The following NEDD4L variants were observed in gnomAD, a reference collection of about 807,000 sequenced individuals.
NEDD4L encodes E3 ubiquitin-protein ligase NEDD4-like.
A neutral mutation model predicts 148.9 loss-of-function variants in NEDD4L; 54 were observed. The observed-to-expected ratio is 0.36, with a 90% CI of 0.29 to 0.45. The LOEUF (loss-of-function observed/expected upper bound fraction) is 0.45. Ranked by LOEUF, NEDD4L falls within the 20% of genes least tolerant of loss-of-function variation. NEDD4L has a pLI of 1.00. For synonymous variants in NEDD4L, 433 were observed against 440.7 expected, an observed-to-expected ratio of 0.98 and a Z score of 0.22; for missense variants, 856 against 1,233.8, an observed-to-expected ratio of 0.69 and a Z score of 4.59.
intron 5 of NEDD4L, among the ~76,000 whole-genome samples, chr18:58,265,997 T>G (rs1189964249): frequency 6.6e-6 from 1 of 152,106 alleles, no homozygotes; most frequent in East Asian, 1.9e-4. Context: ...ATGACATTTA[T>G]GTAAGAAAAA....
chr18:58,258,263 C>A (rs909011575), intron 5 of NEDD4L, among the ~76,000 whole-genome samples: 2 of 152,136 alleles, frequency 1.3e-5, no homozygotes, highest in Admixed American at 6.5e-5. Flanking sequence ...CCTTTAACGC[C>A]CACCCCCAAC....
intron 1 of NEDD4L, among the ~76,000 whole-genome samples, chr18:58,092,484 G>A (rs1228162537): frequency 6.6e-6 from 1 of 152,116 alleles, no homozygotes; most frequent in Non-Finnish European, 1.5e-5. Context: ...GATGCTGAAC[G>A]GGTGGGGAAG....
chr18:58,194,319 A>G (rs1352758907), intron 2 of NEDD4L, among the ~76,000 whole-genome samples: 2 of 152,198 alleles, frequency 1.3e-5, no homozygotes, highest in African/African-American at 2.4e-5. Context: ...TCCCCCTCCC[A>G]TGGACATTCA....
At chr18:58,240,371 G>T (rs1423847189) in intron 2 of NEDD4L, among the ~76,000 whole-genome samples, 1 of 152,122 alleles carries the variant, frequency 6.6e-6, no homozygotes, top group Non-Finnish European at 1.5e-5. Flanking sequence ...CTCAATGCTC[G>T]AACTTCTTGT....
chr18:58,333,890 C>T lies in NEDD4L; in HGVS notation c.1063C>T (p.Pro355Ser). 1 of 1,606,758 alleles carries T rather than the reference C, an allele frequency of 6.2e-7. No individual in the cohort carries two copies. The highest frequency in any genetic ancestry group is 1.1e-5 in the South Asian group (1 of 89,566). ...DAVAEQGHLP[P>S]PSAPAGRARS... is the part of the protein sequence containing the mutation. ...AGTTGCAGAACAGGGCCATCTACCA[C>T]CGGTAACCCATGCTAATTTCCAGTC... is the stretch of plus-strand genomic sequence containing the variant. The change falls in exon 12 of 31, where the codon CCG (proline) becomes TCG (serine). Residue 355 changes from proline to serine, a missense_variant and splice_region_variant. By Grantham distance (74) the Pro-to-Ser change is moderately conservative. Coordinates refer to ENST00000400345, the MANE Select transcript of NEDD4L (RefSeq NM_001144967.3).
chr18:58,109,744 A>G (rs753346564), intron 1 of NEDD4L, among the ~76,000 whole-genome samples: 9 of 151,554 alleles, frequency 5.9e-5, no homozygotes, highest in African/African-American at 1.2e-4. Flanking sequence ...CTAATTTTGT[A>G]TTTTTAGTAG....
chr18:58,270,864 G>A (rs866597269), intron 5 of NEDD4L, among the ~76,000 whole-genome samples: 35 of 151,972 alleles, frequency 2.3e-4, no homozygotes, highest in African/African-American at 7.0e-4. Flanking sequence ...AGAATAAATA[G>A]GTTGAGAGTG....
At chr18:58,065,795 C>G (rs2082561996) in intron 1 of NEDD4L, among the ~76,000 whole-genome samples, 1 of 152,166 alleles carries the variant, frequency 6.6e-6, no homozygotes, top group Non-Finnish European at 1.5e-5. Flanking sequence ...GGCTTTGAAC[C>G]TTTTCTAGAA....
intron 1 of NEDD4L, among the ~76,000 whole-genome samples, chr18:58,055,244 C>A (rs1215524272): frequency 6.6e-6 from 1 of 152,078 alleles, no homozygotes; most frequent in Non-Finnish European, 1.5e-5. Flanking sequence ...ATCACTTGAA[C>A]CCAGGAGTTC....
intron 5 of NEDD4L, among the ~76,000 whole-genome samples, chr18:58,303,013 CAT>C (rs2056676448): frequency 6.6e-6 from 1 of 152,200 alleles, no homozygotes; most frequent in Non-Finnish European, 1.5e-5. Context: ...GCAAGAGAGG[CAT>C]CAGAATGCAA....
intron 1 of NEDD4L, among the ~76,000 whole-genome samples, chr18:58,063,127 C>T (rs1400706662): frequency 2.2e-5 from 3 of 135,602 alleles, no homozygotes; most frequent in Non-Finnish European, 3.0e-5. Context: ...TTCACTGTAG[C>T]CTTGACCTCC....
chr18:58,076,769 C>T (rs1373106658), intron 1 of NEDD4L, among the ~76,000 whole-genome samples: 4 of 151,976 alleles, frequency 2.6e-5, no homozygotes, highest in Non-Finnish European at 5.9e-5. Context: ...AATTTCAAGC[C>T]TGCAGAAAAG....
At chr18:58,165,715 T>C in intron 1 of NEDD4L, 73 bp from the exon 2 acceptor site, 1 of 1,526,914 alleles carries the variant, frequency 6.5e-7, no homozygotes, top group Non-Finnish European at 9.0e-7. Context: ...AATCAATTAC[T>C]TTAATATTGG....
chr18:58,128,439 T>A (rs1238994160), intron 1 of NEDD4L, among the ~76,000 whole-genome samples: 1 of 152,232 alleles, frequency 6.6e-6, no homozygotes. Context: ...GGAATTGGTA[T>A]GTCCAGCTGC....
chr18:58,280,339 C>G (rs531308423), intron 5 of NEDD4L, among the ~76,000 whole-genome samples: 25 of 152,290 alleles, frequency 1.6e-4, no homozygotes, highest in Middle Eastern at 3.4e-3. Flanking sequence ...TCTGTGTGTT[C>G]CGTGCCACTG....
At chr18:58,207,709 G>C (rs1426013425) in intron 2 of NEDD4L, among the ~76,000 whole-genome samples, 2 of 152,150 alleles carry the variant, frequency 1.3e-5, no homozygotes, top group Non-Finnish European at 2.9e-5. Context: ...ACTCACTCAC[G>C]AGTGTCATCT....
chr18:58,323,373 A>C, intron 8 of NEDD4L, 39 bp downstream of exon 8: 1 of 1,022,756 alleles, frequency 9.8e-7, no homozygotes, highest in African/African-American at 1.6e-5. Flanking sequence ...TTGCCTTGAG[A>C]TCATATTCAT....
chr18:58,063,931 A>G (rs1288877945), intron 1 of NEDD4L, among the ~76,000 whole-genome samples: 1 of 137,670 alleles, frequency 7.3e-6, no homozygotes, highest in South Asian at 2.2e-4. Flanking sequence ...ATGTTGCCTT[A>G]TTTTTACTAT....
intron 5 of NEDD4L, among the ~76,000 whole-genome samples, chr18:58,259,101 A>G (rs368907851): frequency 1.1e-4 from 16 of 152,350 alleles, no homozygotes; most frequent in East Asian, 9.6e-4. Flanking sequence ...CAACGTGCTC[A>G]TATTTCATAA....
Sources: gnomAD v4.1 joint callset for allele counts (sites outside exome capture counted in the v4.1 genomes callset) on GRCh38, gnomAD v4.1.1 for gene constraint, MANE v1.5 for transcripts, NCBI Gene and HGNC (gene_info 2026-07-23, HGNC 2026-07-21) for gene names.